FAR2: variants seen among roughly 807,000 people sequenced by gnomAD.
FAR2 encodes fatty acyl-CoA reductase 2.
FAR2 carries 19 observed loss-of-function variants against 56.0 expected under a neutral mutation model. The ratio of observed to expected loss-of-function variants is 0.34; its 90% confidence interval spans 0.24 to 0.50. The LOEUF (loss-of-function observed/expected upper bound fraction) is 0.50, where lower values mean the gene tolerates loss of function less well. Among genes scored for constraint, FAR2 ranks in the 20% least tolerant of loss-of-function variants. FAR2 has a pLI of 0.98. For synonymous variants in FAR2, 219 were observed against 218.8 expected, an observed-to-expected ratio of 1.00 and a Z score of -0.01; for missense variants, 508 against 642.2, an observed-to-expected ratio of 0.79 and a Z score of 2.26.
chr12:29,255,061 T>C (rs1241324566), intron 1 of FAR2, among the ~76,000 whole-genome samples: 1 of 152,232 alleles, frequency 6.6e-6, no homozygotes, highest in East Asian at 1.9e-4. Flanking sequence ...CAGATGCATT[T>C]GTGTGTGTAT....
At chr12:29,329,520 G>A (rs540073789) in intron 10 of FAR2, among the ~76,000 whole-genome samples, 1 of 152,230 alleles carries the variant, frequency 6.6e-6, no homozygotes, top group African/African-American at 2.4e-5. Context: ...TTGCCATATG[G>A]AATCAGGATT....
chr12:29,262,231 TGTTAA>T (rs1298796278), intron 1 of FAR2, among the ~76,000 whole-genome samples: 1 of 152,084 alleles, frequency 6.6e-6, no homozygotes. Flanking sequence ...ATGCAATCAG[TGTTAA>T]GTTGTCATGG....
At chr12:29,309,511 C>A (rs1949310634) in intron 6 of FAR2, among the ~76,000 whole-genome samples, 1 of 152,110 alleles carries the variant, frequency 6.6e-6, no homozygotes, top group African/African-American at 2.4e-5. Flanking sequence ...TTAGTTACCA[C>A]AAGATGGGGG....
chr12:29,250,633 A>G (rs1948193301), intron 1 of FAR2, among the ~76,000 whole-genome samples: 1 of 152,240 alleles, frequency 6.6e-6, no homozygotes, highest in Non-Finnish European at 1.5e-5. Flanking sequence ...AATAGACAAA[A>G]GAAATAATTT....
At chr12:29,207,844 A>G (rs955419639) in intron 1 of FAR2, among the ~76,000 whole-genome samples, 17 of 152,178 alleles carry the variant, frequency 1.1e-4, no homozygotes, top group African/African-American at 3.4e-4. Context: ...ATTTCACACT[A>G]CTGTCCTAAT....
At chr12:29,179,399 A>G (rs1050772626) in intron 1 of FAR2, among the ~76,000 whole-genome samples, 1 of 152,202 alleles carries the variant, frequency 6.6e-6, no homozygotes, top group Non-Finnish European at 1.5e-5. Flanking sequence ...ATTTCCATTC[A>G]TAGCCACTTG....
chr12:29,240,327 C>T (rs1948007294), intron 1 of FAR2, among the ~76,000 whole-genome samples: 2 of 152,176 alleles, frequency 1.3e-5, no homozygotes, highest in South Asian at 2.1e-4. Flanking sequence ...TCAACTCCCA[C>T]TCTGAAGTCC....
At position 29,293,445 on chromosome 12, in the gene FAR2, C is replaced by T; in HGVS notation, c.335C>T (p.Ala112Val). The T allele has an allele frequency of 1.3e-6, 2 of 1,596,796 alleles. No homozygotes were observed. Among genetic ancestry groups the T allele is most frequent in the South Asian group, 1.1e-5 (1 of 88,144 alleles). Residue 112 changes from alanine to valine, a missense_variant, in exon 3 of 12, where the codon GCA (alanine) becomes GTA (valine). Physicochemically the swap from Ala to Val is moderately conservative, Grantham distance 64. Transcript: ENST00000536681. ...LSCTNIIFHC[A>V]ATVRFDDTLR... The stretch of plus-strand genomic sequence containing the variant: ...TGTACAAACATAATATTTCACTGTG[C>T]AGCCACTGTACGCTTTGACGACACT...
chr12:29,283,225 G>C (rs999111894), intron 2 of FAR2, among the ~76,000 whole-genome samples: 4 of 152,084 alleles, frequency 2.6e-5, no homozygotes, highest in African/African-American at 9.7e-5. Flanking sequence ...TAATATATTG[G>C]TGCAAAAACA....
chr12:29,215,002 A>G (rs1008971572), intron 1 of FAR2, among the ~76,000 whole-genome samples: 3 of 152,210 alleles, frequency 2.0e-5, no homozygotes, highest in Non-Finnish European at 4.4e-5. Context: ...AGAAGCAGTC[A>G]TGCTAAGATC....
At chr12:29,314,233 C>A (rs1949405960) in intron 8 of FAR2, among the ~76,000 whole-genome samples, 2 of 152,130 alleles carry the variant, frequency 1.3e-5, no homozygotes, top group South Asian at 4.1e-4. Context: ...ATCTAATAGA[C>A]TTGGATTCAA....
chr12:29,245,215 C>T (rs1172067691), intron 1 of FAR2, among the ~76,000 whole-genome samples: 2 of 152,086 alleles, frequency 1.3e-5, no homozygotes, highest in East Asian at 1.9e-4. Flanking sequence ...CTCTTGACCT[C>T]GTGATCCGCC....
chr12:29,167,934 G>A (rs1373426337), intron 1 of FAR2, among the ~76,000 whole-genome samples: 1 of 152,080 alleles, frequency 6.6e-6, no homozygotes, highest in Non-Finnish European at 1.5e-5. Context: ...GGGAATTGTG[G>A]GAAAAAAATT....
At chr12:29,283,160 A>C (rs1948813048) in intron 2 of FAR2, among the ~76,000 whole-genome samples, 2 of 152,230 alleles carry the variant, frequency 1.3e-5, no homozygotes, top group Admixed American at 1.3e-4. Context: ...TTAGACAAGT[A>C]TCCAGGCATT....
intron 10 of FAR2, among the ~76,000 whole-genome samples, chr12:29,325,926 C>T (rs916644967): frequency 5.9e-5 from 9 of 151,922 alleles, no homozygotes; most frequent in Admixed American, 5.9e-4. Flanking sequence ...GAAATAGAGA[C>T]CCAAAAAAAC....
intron 2 of FAR2, among the ~76,000 whole-genome samples, chr12:29,273,843 G>A (rs1053855298): frequency 4.6e-5 from 7 of 152,130 alleles, no homozygotes; most frequent in Non-Finnish European, 8.8e-5. Context: ...CAGTTCCCCG[G>A]GCCGGGTAGC....
At chr12:29,291,650 T>C (rs1948969951) in intron 2 of FAR2, among the ~76,000 whole-genome samples, 1 of 152,248 alleles carries the variant, frequency 6.6e-6, no homozygotes, top group African/African-American at 2.4e-5. Flanking sequence ...ATTTTAATTA[T>C]GCTACTAGTG....
At chr12:29,154,209 A>T (rs1243004647) in intron 1 of FAR2, among the ~76,000 whole-genome samples, 1 of 152,122 alleles carries the variant, frequency 6.6e-6, no homozygotes, top group Non-Finnish European at 1.5e-5. Flanking sequence ...CTCCGAAATA[A>T]TTATTCCAAA....
Position 29,253,254 on chromosome 12 carries a change from T to C in FAR2, c.-38-17158T>C, listed in dbSNP as rs567560934. 1.3e-3 allele frequency among the ~76,000 whole-genome samples: 168 copies of C among 131,900 alleles called. 9 individuals carry two copies. Among genetic ancestry groups the C allele is most frequent in the South Asian group, 8.9e-3 (32 of 3,612 alleles). 86.5% of individuals were successfully genotyped at this position (131,900 alleles called of 152,430 possible). On this transcript the variant is annotated intron_variant, in intron 1 of 11. Transcript: ENST00000536681. The stretch of plus-strand genomic sequence containing the variant: ...CTAGATAGATATCTATATATCGATA[T>C]CTATCTAGATAGATATCTATATATC...
Sources: gnomAD v4.1 joint callset for allele counts (sites outside exome capture counted in the v4.1 genomes callset) on GRCh38, gnomAD v4.1.1 for gene constraint, MANE v1.5 for transcripts, NCBI Gene and HGNC (gene_info 2026-07-23, HGNC 2026-07-21) for gene names.